MBP: variants seen among roughly 807,000 people sequenced by gnomAD.
The protein encoded by MBP is Golli-MBP.
A neutral mutation model predicts 35.8 loss-of-function variants in MBP; 16 were observed. The ratio of observed to expected loss-of-function variants is 0.45; its 90% CI spans 0.30 to 0.68. The LOEUF is 0.68. MBP is among the 30% of genes least tolerant of loss of function. MBP has a pLI of 0.08. For missense variants in MBP, 380 were observed against 404.7 expected (o/e 0.94, Z 0.52); for synonymous variants, 143 against 159.6 (o/e 0.90, Z 0.78).
chr18:77,080,202 G>A (rs1302946590), intron 2 of MBP, among the ~76,000 whole-genome samples: 1 of 152,192 alleles, frequency 6.6e-6, no homozygotes, highest in South Asian at 2.1e-4. Context: ...ATTTCCATAA[G>A]TAATAAAAGA....
intron 4 of MBP, among the ~76,000 whole-genome samples, chr18:76,991,605 G>A (rs1477645813): frequency 6.6e-6 from 1 of 152,168 alleles, no homozygotes; most frequent in South Asian, 2.1e-4. Context: ...GATTGATTTT[G>A]TCAGTTTTCC....
At chr18:77,051,171 TTTA>T (rs1177555373) in intron 3 of MBP, among the ~76,000 whole-genome samples, 1 of 152,146 alleles carries the variant, frequency 6.6e-6, no homozygotes, top group African/African-American at 2.4e-5. Context: ...CGGTGTAAAT[TTTA>T]TTATTGTGGG....
intron 4 of MBP, chr18:77,004,641 T>G (rs1019882280): frequency 6.6e-6 from 1 of 152,384 alleles, no homozygotes; most frequent in Non-Finnish European, 1.5e-5. Flanking sequence ...TCAGGTAACC[T>G]GAGGCTGTTA....
upstream of MBP, among the ~76,000 whole-genome samples, chr18:77,133,203 C>G (rs9952636): frequency 0.018 from 2,785 of 152,316 alleles, 86 homozygotes; most frequent in African/African-American, 0.063. Flanking sequence ...AGCCCCGGCC[C>G]TGCAGGAGGA....
At chr18:77,103,059 G>A (rs1489932012) in intron 2 of MBP, among the ~76,000 whole-genome samples, 1 of 151,942 alleles carries the variant, frequency 6.6e-6, no homozygotes, top group Non-Finnish European at 1.5e-5. Context: ...TAAATCCTTA[G>A]GTAAGAAACT....
intron 1 of MBP, among the ~76,000 whole-genome samples, chr18:77,126,350 G>C (rs1977048316): frequency 6.6e-6 from 1 of 152,116 alleles, no homozygotes; most frequent in Non-Finnish European, 1.5e-5. Flanking sequence ...TCCCAGAAAA[G>C]ACATTTGACA....
intron 1 of MBP, among the ~76,000 whole-genome samples, chr18:77,105,968 C>T (rs1405141754): frequency 2.0e-5 from 3 of 152,242 alleles, no homozygotes; most frequent in African/African-American, 7.2e-5. Flanking sequence ...ACACCCATTC[C>T]AAGCAAATTG....
rs201927684 is a variant in MBP at position 77,097,914 on chromosome 18, T to TA, written c.51+7296dup. On this transcript the variant is annotated intron_variant, in intron 2 of 8. Coordinates refer to ENST00000355994, the MANE Select transcript of MBP (RefSeq NM_001025101.2). Reference sequence around the variant, plus strand: ...GGTGCCCCAAATCAAATCTTTTTTTTAAAAAAATACAGTATTTAAATATTT... The same window carrying TA: ...GGTGCCCCAAATCAAATCTTTTTTTTAAAAAAAATACAGTATTTAAATATTT... Among the ~76,000 whole-genome samples the TA allele has an allele frequency of 9.3e-3, 1,409 of 151,452 alleles. 5 individuals carry two copies. Among genetic ancestry groups the TA allele is most frequent in the Non-Finnish European group, 0.016 (1,071 of 67,858 alleles).
At chr18:77,023,726 C>T (rs1488753014) in intron 3 of MBP, among the ~76,000 whole-genome samples, 4 of 152,202 alleles carry the variant, frequency 2.6e-5, no homozygotes, top group African/African-American at 7.2e-5. Flanking sequence ...AATGGCCACG[C>T]TGCTGCCTCT....
rs1048871 is a variant in MBP at position 76,979,995 on chromosome 18, T to C, written c.*432A>G. 0.038 allele frequency: 26,548 copies of C among 702,360 alleles called. 629 individuals carry two copies. The highest frequency in any genetic ancestry group is 0.049 in the South Asian group (3,322 of 67,596). 43.5% of individuals were successfully genotyped at this position (702,360 alleles called of 1,614,324 possible). On this transcript the variant is annotated 3_prime_UTR_variant, in exon 9 of 9. Coordinates refer to ENST00000355994, the MANE Select transcript of MBP (RefSeq NM_001025101.2). ...ACAAAGGAAGCTTGGATGTCAACAG[T>C]CCTCTCTGCCGCCCACGTCCTCTCT...
rs188183328 is a variant in MBP at position 77,070,824 on chromosome 18, A to G, written c.52-4439T>C. Reference sequence around the variant, plus strand: ...ACCGAGTGGAGAAGCAAAGGATGGCATGGAGTCAAACTTCCCAAAGCCAGT... The same window carrying G: ...ACCGAGTGGAGAAGCAAAGGATGGCGTGGAGTCAAACTTCCCAAAGCCAGT... On this transcript the variant is annotated intron_variant, in intron 2 of 8. Coordinates refer to ENST00000355994, the MANE Select transcript of MBP (RefSeq NM_001025101.2). Among the ~76,000 whole-genome samples the G allele has an allele frequency of 1.9e-3, 287 of 152,288 alleles. 2 individuals carry two copies. Among genetic ancestry groups the G allele is most frequent in the African/African-American group, 6.5e-3 (271 of 41,552 alleles).
chr18:77,057,822 G>GTGTTTTTTTTTT (rs1973784749), intron 3 of MBP, among the ~76,000 whole-genome samples: 1 of 3,048 alleles, frequency 3.3e-4, no homozygotes, highest in Admixed American at 5.2e-3. Flanking sequence ...AAGGCGGGGA[G>GTGTTTTTTTTTT]TGTTTTTTTT....
intron 2 of MBP, among the ~76,000 whole-genome samples, 164 bp downstream of exon 2, chr18:77,105,047 C>A (rs1202979634): frequency 7.9e-5 from 1 of 12,590 alleles, no homozygotes; most frequent in East Asian, 0.071. Flanking sequence ...CGTAATAAAT[C>A]ATAATTAATT....
intron 4 of MBP, among the ~76,000 whole-genome samples, chr18:77,010,824 A>G (rs470261): frequency 0.12 from 18,858 of 152,252 alleles, 1,287 homozygotes; most frequent in Middle Eastern, 0.24. Context: ...GACTATTATT[A>G]TAGGACCAAG....
intron 1 of MBP, chr18:77,112,509 A>C (rs1016829872): frequency 3.9e-5 from 6 of 152,154 alleles, no homozygotes; most frequent in Non-Finnish European, 7.3e-5. Context: ...GGGGAAGCTG[A>C]GGTTTTCCTA....
intron 3 of MBP, among the ~76,000 whole-genome samples, chr18:77,055,752 C>T (rs184956361): frequency 1.4e-4 from 21 of 152,270 alleles, no homozygotes; most frequent in Non-Finnish European, 2.6e-4. Flanking sequence ...TCAGGAAGCC[C>T]TCATTACAGA....
chr18:77,025,058 T>C (rs1972150231), intron 3 of MBP, among the ~76,000 whole-genome samples: 1 of 152,154 alleles, frequency 6.6e-6, no homozygotes, highest in Non-Finnish European at 1.5e-5. Context: ...CGGGTGGTTT[T>C]AGTAGCCCTT....
intron 3 of MBP, among the ~76,000 whole-genome samples, chr18:77,018,785 T>TCCACAG: frequency 1.0e-5 from 1 of 98,622 alleles, no homozygotes; most frequent in African/African-American, 5.6e-5. Flanking sequence ...TCCATCCACA[T>TCCACAG]ATCAGTCCAT....
intron 3 of MBP, among the ~76,000 whole-genome samples, chr18:77,059,960 A>G (rs889946180): frequency 1.1e-4 from 16 of 152,208 alleles, no homozygotes; most frequent in Non-Finnish European, 2.4e-4. Context: ...TAAAGTAAAA[A>G]TAAAGGCCCT....
Sources: allele counts gnomAD v4.1 joint callset (sites outside exome capture counted in the v4.1 genomes callset), GRCh38; gene constraint gnomAD v4.1.1; transcripts MANE v1.5; gene names NCBI Gene and HGNC (gene_info 2026-07-23, HGNC 2026-07-21).